The following PCDH15 variants were observed in gnomAD, a reference collection of about 807,000 sequenced individuals.
PCDH15 encodes the protein protocadherin related 15.
Under a neutral mutation model 178.5 loss-of-function variants are expected in PCDH15, and 129 were observed. The ratio of observed to expected loss-of-function variants is 0.72; its 90% CI spans 0.63 to 0.84. The LOEUF (loss-of-function observed/expected upper bound fraction) is 0.84. Among genes scored for constraint, PCDH15 ranks in the 40% least tolerant of loss-of-function variants. PCDH15 has a pLI of 0.00. For synonymous variants in PCDH15, 800 were observed against 732.0 expected (o/e 1.09, Z -1.50); for missense variants, 2,230 against 2,099.9 (o/e 1.06, Z -1.21).
chr10:55,350,228 C>G (rs952059483), intron 2 of PCDH15, among the ~76,000 whole-genome samples: 1 of 73,472 alleles, frequency 1.4e-5, no homozygotes, highest in Non-Finnish European at 2.9e-5. Flanking sequence ...TATATAAACT[C>G]ATATATATAT....
intron 2 of PCDH15, among the ~76,000 whole-genome samples, chr10:54,642,081 T>C (rs2094003547): frequency 6.6e-6 from 1 of 151,826 alleles, no homozygotes; most frequent in Admixed American, 6.6e-5. Flanking sequence ...CGTGATGGTA[T>C]AAGGAGGTGG....
intron 25 of PCDH15, among the ~76,000 whole-genome samples, chr10:53,915,871 A>C (rs1158962236): frequency 6.6e-6 from 1 of 152,060 alleles, no homozygotes; most frequent in Non-Finnish European, 1.5e-5. Flanking sequence ...TTTGTATAAT[A>C]TATAATACTT....
At chr10:54,051,483 G>A (rs932741447) in intron 18 of PCDH15, among the ~76,000 whole-genome samples, 12 of 152,064 alleles carry the variant, frequency 7.9e-5, no homozygotes, top group African/African-American at 2.4e-4. Context: ...AGTAAATGTC[G>A]CTCCTGCTAT....
chr10:54,462,467 CCTTT>C (rs1268887445), intron 3 of PCDH15, among the ~76,000 whole-genome samples: 1 of 138,420 alleles, frequency 7.2e-6, no homozygotes, highest in Non-Finnish European at 1.5e-5. Context: ...ATTTGTTAAT[CCTTT>C]CTTTCTTTCT....
intron 2 of PCDH15, among the ~76,000 whole-genome samples, chr10:55,445,533 G>A (rs1257015871): frequency 2.0e-5 from 3 of 152,060 alleles, no homozygotes; most frequent in Admixed American, 2.0e-4. Context: ...ATAAAACAAT[G>A]AGACACTGAA....
chr10:54,764,191 A>C (rs1948237635), intron 1 of PCDH15, among the ~76,000 whole-genome samples: 1 of 152,068 alleles, frequency 6.6e-6, no homozygotes, highest in Non-Finnish European at 1.5e-5. Flanking sequence ...AAACTGATCA[A>C]AAATTGGTTC....
At chr10:53,906,536 CAA>C (rs1263141482) in intron 25 of PCDH15, among the ~76,000 whole-genome samples, 2 of 151,890 alleles carry the variant, frequency 1.3e-5, no homozygotes, top group Non-Finnish European at 2.9e-5. Context: ...TTTTGTTGAA[CAA>C]AAAAGTTGAT....
chr10:54,776,523 T>C (rs2133338726), intron 1 of PCDH15, among the ~76,000 whole-genome samples: 1 of 152,174 alleles, frequency 6.6e-6, no homozygotes, highest in African/African-American at 2.4e-5. Context: ...AGGGCAATGA[T>C]TTTCTGCCTG....
chr10:54,935,180 T>C (rs1036250960), intron 2 of PCDH15, among the ~76,000 whole-genome samples: 1 of 151,896 alleles, frequency 6.6e-6, no homozygotes, highest in Non-Finnish European at 1.5e-5. Context: ...TGTATACATA[T>C]GTAACTAACC....
At position 53,959,746 on chromosome 10, in the gene PCDH15, T is replaced by C; in HGVS notation, c.3108A>G (p.Thr1036=). The stretch of plus-strand genomic sequence containing the variant: ...GAAATCAATACCTATATTCCTCCTG[T>C]GTGAAGCGTGGGATCTCACCAGGAT... ...VLHPGEIPRF[T]QEEYRPPPVS... The change falls in exon 23 of 38, where the codon ACA becomes ACG. Residue 1036 remains threonine (T), a synonymous_variant. Transcript: ENST00000644397. The C allele has an allele frequency of 1.2e-6, 2 of 1,612,124 alleles. No homozygotes were observed. Among genetic ancestry groups the C allele is most frequent in the Non-Finnish European group, 1.7e-6 (2 of 1,178,236 alleles).
rs181826237 is a variant in PCDH15, at chr10:55,273,177, T to C, written c.-156+46422A>G. Among the ~76,000 whole-genome samples, 443 of 152,294 alleles carry C rather than the reference T, an allele frequency of 2.9e-3. 3 individuals carry two copies. Among genetic ancestry groups the C allele is most frequent in the Non-Finnish European group, 4.0e-3 (273 of 68,032 alleles). ...CAACTTAGAGTGAGATAGTTTTTATTACTCTCATTTTATAATTAGAAAAAT... is the reference window on the plus strand; with the variant it reads ...CAACTTAGAGTGAGATAGTTTTTATCACTCTCATTTTATAATTAGAAAAAT... On this transcript the variant is annotated intron_variant, in intron 1 of 5. Transcript: ENST00000458638.
chr10:54,139,056 T>TATATTTATACA, intron 14 of PCDH15, among the ~76,000 whole-genome samples: 1 of 152,182 alleles, frequency 6.6e-6, no homozygotes, highest in African/African-American at 2.4e-5. Flanking sequence ...GCCTTTAGAA[T>TATATTTATACA]TGTCAGCATA....
intron 11 of PCDH15, 72 bp from the exon 12 acceptor site, chr10:54,185,340 A>C: frequency 3.2e-6 from 5 of 1,556,268 alleles, no homozygotes; most frequent in Non-Finnish European, 4.4e-6. Flanking sequence ...CCTAGAAGTT[A>C]ATGTTTGAAA....
intron 3 of PCDH15, among the ~76,000 whole-genome samples, chr10:54,503,879 C>T (rs559336017): frequency 6.6e-6 from 1 of 152,128 alleles, no homozygotes; most frequent in Admixed American, 6.6e-5. Flanking sequence ...ATCATTTAAC[C>T]CCTGAATGAA....
intron 2 of PCDH15, among the ~76,000 whole-genome samples, chr10:55,133,305 G>C (rs1306509222): frequency 1.3e-5 from 2 of 151,938 alleles, no homozygotes; most frequent in African/African-American, 4.8e-5. Context: ...TAAACTATTA[G>C]TGACTTTTGA....
intron 3 of PCDH15, among the ~76,000 whole-genome samples, chr10:54,399,686 G>A (rs1211688090): frequency 6.6e-6 from 1 of 152,100 alleles, no homozygotes; most frequent in Non-Finnish European, 1.5e-5. Flanking sequence ...ACAAGAAGGA[G>A]ATGATCTCAA....
intron 9 of PCDH15, among the ~76,000 whole-genome samples, chr10:54,215,472 A>G (rs1480521434): frequency 1.3e-5 from 2 of 152,200 alleles, no homozygotes; most frequent in African/African-American, 4.8e-5. Flanking sequence ...TCATACAGAA[A>G]ATCATAGAGT....
intron 2 of PCDH15, among the ~76,000 whole-genome samples, chr10:55,325,275 CA>C (rs1844001410): frequency 6.6e-6 from 1 of 151,942 alleles, no homozygotes; most frequent in South Asian, 2.1e-4. Flanking sequence ...CAACCCTAAG[CA>C]AAAATAACAA....
chr10:55,043,558 A>T (rs1386709015), intron 2 of PCDH15, among the ~76,000 whole-genome samples: 1 of 151,880 alleles, frequency 6.6e-6, no homozygotes, highest in African/African-American at 2.4e-5. Flanking sequence ...AAAATAAAAA[A>T]AAATAACTTG....
Sources: allele counts gnomAD v4.1 joint callset (sites outside exome capture counted in the v4.1 genomes callset), GRCh38; gene constraint gnomAD v4.1.1; transcripts MANE v1.5; gene names NCBI Gene and HGNC (gene_info 2026-07-23, HGNC 2026-07-21).